Variants in XKR9 observed in about 807,000 individuals in gnomAD.
XKR9 encodes the protein XK related 9, also known as XK-related protein 9.
In XKR9, 32 loss-of-function variants were observed where a neutral mutation model predicts 32.0. That is an observed-to-expected ratio of 1.00 (90% CI 0.76 to 1.34). XKR9 has a LOEUF of 1.34. XKR9 is among the 40% of genes most tolerant of loss of function. The pLI, the probability that XKR9 is intolerant of heterozygous loss-of-function variation, is 0.00. For missense variants in XKR9, 546 were observed against 429.7 expected (o/e 1.27, Z -2.39); for synonymous variants, 168 against 143.4 (o/e 1.17, Z -1.22).
At chr8:70,723,968 G>A (rs903982808) in intron 4 of XKR9, among the ~76,000 whole-genome samples, 4 of 150,164 alleles carry the variant, frequency 2.7e-5, no homozygotes, top group Admixed American at 6.7e-5. Flanking sequence ...TTTTAAGTCC[G>A]CTGAAACTGC....
the XKR9 span, among the ~76,000 whole-genome samples, chr8:71,028,227 T>G: frequency 6.6e-6 from 1 of 152,366 alleles, no homozygotes; most frequent in South Asian, 2.1e-4. Context: ...TTGTGTTTTC[T>G]TCAATTTCTT....
At chr8:70,898,270 T>A in the XKR9 span, among the ~76,000 whole-genome samples, 3 of 152,224 alleles carry the variant, frequency 2.0e-5, no homozygotes, top group Non-Finnish European at 4.4e-5. Flanking sequence ...TTTATTCCAT[T>A]GATCGATGTG....
At chr8:70,749,887 T>C (rs1337079407) in intron 2 of XKR9, among the ~76,000 whole-genome samples, 2 of 152,252 alleles carry the variant, frequency 1.3e-5, no homozygotes, top group Non-Finnish European at 2.9e-5. Context: ...TTGCATGTTG[T>C]GTTTATTCCT....
chr8:70,878,739 A>G, the XKR9 span, among the ~76,000 whole-genome samples: 5 of 152,214 alleles, frequency 3.3e-5, no homozygotes, highest in South Asian at 1.0e-3. Context: ...AACATTAGAC[A>G]GATCAACGAG....
the XKR9 span, among the ~76,000 whole-genome samples, chr8:70,870,400 C>T: frequency 1.3e-5 from 2 of 152,074 alleles, no homozygotes; most frequent in African/African-American, 2.4e-5. Context: ...TATTGTAGCA[C>T]AGAAAAGATT....
chr8:71,009,383 G>A, the XKR9 span, among the ~76,000 whole-genome samples: 2 of 136,448 alleles, frequency 1.5e-5, no homozygotes, highest in South Asian at 4.3e-4. Context: ...TGTATTTTAT[G>A]TGTGGCCCAA....
the XKR9 span, among the ~76,000 whole-genome samples, chr8:70,820,127 G>A: frequency 6.6e-6 from 1 of 152,086 alleles, no homozygotes; most frequent in Non-Finnish European, 1.5e-5. Flanking sequence ...CAGGTCATAA[G>A]ACCCTCATTC....
the XKR9 span, among the ~76,000 whole-genome samples, chr8:70,868,433 A>T: frequency 6.6e-6 from 1 of 152,060 alleles, no homozygotes; most frequent in Non-Finnish European, 1.5e-5. Flanking sequence ...GCTTCTGTGC[A>T]CTTGCAGTTT....
the XKR9 span, among the ~76,000 whole-genome samples, chr8:70,804,711 T>C: frequency 3.8e-4 from 58 of 152,334 alleles, no homozygotes; most frequent in African/African-American, 1.3e-3. Context: ...ATATGTTTAA[T>C]TGGATAGCAA....
At chr8:70,868,225 C>T in the XKR9 span, among the ~76,000 whole-genome samples, 1 of 152,154 alleles carries the variant, frequency 6.6e-6, no homozygotes, top group Non-Finnish European at 1.5e-5. Context: ...GACAGTGGCC[C>T]TCTTCTCACA....
chr8:70,763,115 G>C (rs917030101), intron 2 of XKR9, among the ~76,000 whole-genome samples: 1 of 152,192 alleles, frequency 6.6e-6, no homozygotes, highest in Non-Finnish European at 1.5e-5. Context: ...TCAGGCTGTA[G>C]TCTGTGAGAA....
At position 70,757,548 on chromosome 8, in the gene XKR9, C is replaced by CATGTATGTATGTATGT. The variant is rs57117853; in HGVS notation, n.353-31767_353-31752dup. Among the ~76,000 whole-genome samples the CATGTATGTATGTATGT allele has an allele frequency of 1.1e-4, 16 of 150,344 alleles. No individual in the cohort carries two copies. In the East Asian group the frequency reaches 1.6e-3, roughly 15 times the overall value. On this transcript the variant is annotated intron_variant and non_coding_transcript_variant, in intron 2 of 3. Transcript: ENST00000520273. The stretch of plus-strand genomic sequence containing the variant: ...ATATATCTTTCTTTACTTCTTTCAT[C>CATGTATGTATGTATGT]ATGTATGTATGTATGTATGTATGTA...
chr8:70,852,509 T>A, the XKR9 span, among the ~76,000 whole-genome samples: 1 of 151,692 alleles, frequency 6.6e-6, no homozygotes, highest in South Asian at 2.1e-4. Context: ...TAAATCATTC[T>A]ACTTTTATAA....
At chr8:71,048,891 G>C in the XKR9 span, among the ~76,000 whole-genome samples, 3 of 152,164 alleles carry the variant, frequency 2.0e-5, no homozygotes, top group Admixed American at 6.5e-5. Context: ...TTTTATTTGA[G>C]GTAGATCTGC....
At chr8:71,018,623 A>G in the XKR9 span, among the ~76,000 whole-genome samples, 1 of 152,194 alleles carries the variant, frequency 6.6e-6, no homozygotes, top group South Asian at 2.1e-4. Flanking sequence ...ACCCTGGCAC[A>G]AGCCCTGGCA....
intron 4 of XKR9, among the ~76,000 whole-genome samples, chr8:70,726,503 G>A (rs539853420): frequency 6.6e-6 from 1 of 152,320 alleles, no homozygotes; most frequent in East Asian, 1.9e-4. Context: ...CAGATTAGCT[G>A]CAGGTAAGAA....
the XKR9 span, among the ~76,000 whole-genome samples, chr8:70,857,928 A>G: frequency 4.6e-5 from 7 of 152,194 alleles, no homozygotes; most frequent in Non-Finnish European, 1.0e-4. Context: ...CTTCATCCTA[A>G]AAACTCTCAA....
downstream of XKR9, among the ~76,000 whole-genome samples, chr8:70,738,537 T>C (rs1806905210): frequency 6.6e-6 from 1 of 150,566 alleles, no homozygotes; most frequent in Non-Finnish European, 1.5e-5. Flanking sequence ...GCCCTTGCTT[T>C]TCTAGTTCTT....
chr8:70,879,621 C>G, the XKR9 span, among the ~76,000 whole-genome samples: 4 of 152,016 alleles, frequency 2.6e-5, no homozygotes, highest in African/African-American at 9.7e-5. Context: ...GAATTTGAAT[C>G]TCTGAATAGA....
Sources: gnomAD v4.1 joint callset for allele counts (sites outside exome capture counted in the v4.1 genomes callset) on GRCh38, gnomAD v4.1.1 for gene constraint, MANE v1.5 for transcripts, NCBI Gene and HGNC (gene_info 2026-07-23, HGNC 2026-07-21) for gene names.